Variants in ABR observed in about 807,000 individuals in gnomAD.
The protein encoded by ABR is active breakpoint cluster region-related protein.
A neutral mutation model predicts 107.2 loss-of-function variants in ABR; 35 were observed. The observed-to-expected ratio is 0.33, with a 90% CI of 0.25 to 0.43. ABR has a LOEUF of 0.43. Among genes scored for constraint, ABR ranks in the 20% least tolerant of loss-of-function variants. The pLI, the probability that ABR is intolerant of heterozygous loss-of-function variation, is 1.00. For synonymous variants in ABR, 498 were observed against 462.0 expected, an observed-to-expected ratio of 1.08 and a Z score of -1.00; for missense variants, 815 against 1,115.2, an observed-to-expected ratio of 0.73 and a Z score of 3.83.
At chr17:1,121,543 T>TC (rs200045883) in intron 2 of ABR, among the ~76,000 whole-genome samples, 1 of 77,540 alleles carries the variant, frequency 1.3e-5, no homozygotes. Flanking sequence ...GGGAGCTGAG[T>TC]CCCCCCAGGC....
intron 16 of ABR, among the ~76,000 whole-genome samples, chr17:1,025,915 G>A (rs2072157970): frequency 6.6e-6 from 1 of 152,168 alleles, no homozygotes; most frequent in Non-Finnish European, 1.5e-5. Context: ...GAACCAACTG[G>A]GGCATGGGGG....
intron 22 of ABR, 148 bp from the exon 23 acceptor site, chr17:1,006,317 G>A: frequency 1.4e-6 from 1 of 738,118 alleles, no homozygotes; most frequent in South Asian, 1.7e-5. Flanking sequence ...CCTTTCTGCA[G>A]CCGTGGAAGG....
rs1269738806 is a variant in ABR at position 1,164,974 on chromosome 17, C to T, written c.61+14693G>A. On this transcript the variant is annotated intron_variant, in intron 1 of 22. Coordinates refer to ENST00000302538, the MANE Select transcript of ABR (RefSeq NM_021962.5). Reference sequence around the variant, plus strand: ...TTATATTTAAAAATTATTCATTGTTCATCTAAAATTCTAATTTAACGGGGC... The same window carrying T: ...TTATATTTAAAAATTATTCATTGTTTATCTAAAATTCTAATTTAACGGGGC... 2.0e-5 allele frequency among the ~76,000 whole-genome samples: 3 copies of T among 152,286 alleles called. No individual in the cohort carries two copies. The East Asian group carries it at 5.8e-4, about 29-fold the overall frequency.
At chr17:1,168,278 C>A (rs766373440) in intron 1 of ABR, among the ~76,000 whole-genome samples, 2 of 151,942 alleles carry the variant, frequency 1.3e-5, no homozygotes, top group African/African-American at 2.4e-5. Context: ...CCAGCCTGGG[C>A]GACAAGAGCG....
At chr17:1,066,486 C>T in intron 10 of ABR, among the ~76,000 whole-genome samples, 1 of 152,008 alleles carries the variant, frequency 6.6e-6, no homozygotes, top group Non-Finnish European at 1.5e-5. Context: ...CCTGCTTTTC[C>T]TTACAAAAGC....
intron 9 of ABR, 52 bp from the exon 10 acceptor site, chr17:1,067,294 G>T (rs528601356): frequency 6.7e-7 from 1 of 1,503,564 alleles, no homozygotes; most frequent in Non-Finnish European, 8.9e-7. Flanking sequence ...GGCTCTTCCA[G>T]CCTCAACTCT....
chr17:1,011,752 A>G lies in ABR; in HGVS notation c.2101+94T>C, dbSNP rs553556429. 3.0e-5 allele frequency: 43 copies of G among 1,445,268 alleles called. No individual in the cohort carries two copies. The highest frequency in any genetic ancestry group is 3.7e-5 in the Non-Finnish European group (40 of 1,085,724). 89.5% of individuals were successfully genotyped at this position (1,445,268 alleles called of 1,614,324 possible). A position where few individuals can be genotyped will look rare whatever the true frequency, so the allele number is the denominator to read the frequency against. ...CTGAAGCAGAGCAAGCCTCCTCTCC[A>G]GGGAGGCTCCTGGTTCCCCCGAGCT... On this transcript the variant is annotated intron_variant, in intron 19 of 22. Transcript: ENST00000302538. The surrounding 1 kb of genome is among the most constrained non-coding windows in gnomAD (Gnocchi z 4.8).
In ABR at chr17:1,063,591, C is replaced by G. The variant is rs112453857; in HGVS notation, c.1182+3486G>C. Among the ~76,000 whole-genome samples, 83 of 147,832 alleles carry G rather than the reference C, an allele frequency of 5.6e-4. 1 individual carries two copies. Among genetic ancestry groups the G allele is most frequent in the African/African-American group, 2.1e-3 (82 of 38,818 alleles). ...TGAACTGAGGGCTATGCATGTTGCT[C>G]TAGACACTGTTGTTACGTGAACTGA... On this transcript the variant is annotated intron_variant, in intron 10 of 22. Coordinates refer to ENST00000302538, the MANE Select transcript of ABR (RefSeq NM_021962.5).
In ABR at chr17:1,112,902, C is replaced by G. The variant is rs960721808; in HGVS notation, c.247-12167G>C. On this transcript the variant is annotated intron_variant, in intron 2 of 22. Transcript: ENST00000302538. ...TCAGCAAGCATTTGTTAACGCCTGA[C>G]CCAATCAGCAAGCATTTGTTAACGC... Among the ~76,000 whole-genome samples, 7 of 144,062 alleles carry G rather than the reference C, an allele frequency of 4.9e-5. No homozygotes were observed. The East Asian group carries it at 1.5e-3, about 30-fold the overall frequency. 94.5% of individuals were successfully genotyped at this position (144,062 alleles called of 152,430 possible). A position where few individuals can be genotyped will look rare whatever the true frequency, so the allele number is the denominator to read the frequency against.
At chr17:1,101,115 T>C (rs9906830) in intron 2 of ABR, 3,555 of 209,002 alleles carry the variant, frequency 0.017, 137 homozygotes, top group African/African-American at 0.08. Flanking sequence ...TGAGCCACCA[T>C]GCCCAGCCAT....
chr17:1,088,750 G>A (rs966283203), intron 4 of ABR, among the ~76,000 whole-genome samples: 3 of 151,060 alleles, frequency 2.0e-5, no homozygotes, highest in Non-Finnish European at 2.9e-5. Flanking sequence ...TATCATGCCC[G>A]GCTAATTTTT....
intron 1 of ABR, among the ~76,000 whole-genome samples, chr17:1,135,071 G>C (rs879943902): frequency 1.5e-4 from 23 of 152,354 alleles, no homozygotes; most frequent in Middle Eastern, 6.8e-3. Context: ...CCAGGCGGGT[G>C]GGGGACAGGA....
intron 1 of ABR, among the ~76,000 whole-genome samples, chr17:1,127,979 A>G (rs2039670467): frequency 6.6e-6 from 1 of 152,184 alleles, no homozygotes; most frequent in African/African-American, 2.4e-5. Flanking sequence ...CCAGGTCTCA[A>G]ATGCCCTCCC....
Position 1,005,009 on chromosome 17 carries a change from AG to A in ABR, c.*1070del, listed in dbSNP as rs1410669100. On this transcript the variant is annotated 3_prime_UTR_variant, in exon 23 of 23. Coordinates refer to ENST00000302538, the MANE Select transcript of ABR (RefSeq NM_021962.5). ...GCTTCGGCCACATCAGTCACCCTCCAGGAAGCCTGGCCCCTCTTGAAAAGCC... is the reference window on the plus strand; with the variant it reads ...GCTTCGGCCACATCAGTCACCCTCCAGAAGCCTGGCCCCTCTTGAAAAGCC... 1 of 398,938 alleles carries A rather than the reference AG, an allele frequency of 2.5e-6. No individual in the cohort carries two copies. The highest frequency in any genetic ancestry group is 4.4e-6 in the Non-Finnish European group (1 of 226,272). 24.7% of individuals were successfully genotyped at this position (398,938 alleles called of 1,614,324 possible). A position where few individuals can be genotyped will look rare whatever the true frequency, so the allele number is the denominator to read the frequency against.
At chr17:1,152,207 G>A (rs531554337) in intron 1 of ABR, among the ~76,000 whole-genome samples, 30 of 151,872 alleles carry the variant, frequency 2.0e-4, no homozygotes, top group Admixed American at 1.2e-3. Flanking sequence ...GGAGAATGGC[G>A]TGAACCTAGA....
At chr17:1,220,085 A>C (rs1446017662) in intron 1 of ABR, among the ~76,000 whole-genome samples, 1 of 151,782 alleles carries the variant, frequency 6.6e-6, no homozygotes, top group Non-Finnish European at 1.5e-5. Context: ...AGGTCAGGAG[A>C]TCGACACCAG....
chr17:1,116,825 C>T (rs1287771671), intron 2 of ABR, among the ~76,000 whole-genome samples: 2 of 152,160 alleles, frequency 1.3e-5, no homozygotes, highest in African/African-American at 2.4e-5. Context: ...GGGTCCAGCT[C>T]GTGTCCTTCT....
At chr17:1,136,224 G>GT (rs2040059180) in intron 1 of ABR, among the ~76,000 whole-genome samples, 4 of 152,040 alleles carry the variant, frequency 2.6e-5, no homozygotes, top group Admixed American at 2.0e-4. Flanking sequence ...TTTTTGTTTT[G>GT]TTTGGTTTTG....
At chr17:1,034,512 C>T (rs1474351459) in intron 16 of ABR, among the ~76,000 whole-genome samples, 2 of 152,168 alleles carry the variant, frequency 1.3e-5, no homozygotes, top group East Asian at 3.9e-4. Flanking sequence ...ACAGGACAGA[C>T]AAAATGCCAC....
Sources: allele counts gnomAD v4.1 joint callset (sites outside exome capture counted in the v4.1 genomes callset), GRCh38; gene constraint gnomAD v4.1.1; non-coding constraint Gnocchi (gnomAD v3.1); transcripts MANE v1.5; gene names NCBI Gene and HGNC (gene_info 2026-07-23, HGNC 2026-07-21).